The following STK32B variants were observed in gnomAD, a reference collection of about 807,000 sequenced individuals.
The protein encoded by STK32B is serine/threonine kinase 32B, also known as serine/threonine-protein kinase 32B.
In STK32B, 43 loss-of-function variants were observed where a neutral mutation model predicts 52.6. That is an observed-to-expected ratio of 0.82 (90% CI 0.64 to 1.05). The LOEUF is 1.05. Among genes scored for constraint, STK32B ranks in the 50% least tolerant of loss-of-function variants. The pLI, the probability that STK32B is intolerant of heterozygous loss-of-function variation, is 0.00. For missense variants in STK32B, 621 were observed against 534.6 expected, an observed-to-expected ratio of 1.16 and a Z score of -1.59; for synonymous variants, 238 against 204.3, an observed-to-expected ratio of 1.17 and a Z score of -1.41.
intron 1 of STK32B, among the ~76,000 whole-genome samples, chr4:5,108,840 CA>C (rs1445958744): frequency 1.3e-5 from 2 of 152,144 alleles, no homozygotes; most frequent in Non-Finnish European, 2.9e-5. Flanking sequence ...AAGTAGAAAT[CA>C]TGAGCAAAAA....
chr4:5,068,700 C>G (rs762206150), intron 1 of STK32B, among the ~76,000 whole-genome samples: 3 of 152,024 alleles, frequency 2.0e-5, no homozygotes, highest in Non-Finnish European at 2.9e-5. Context: ...TTGTTTAATA[C>G]TTTTCTCTAT....
intron 4 of STK32B, among the ~76,000 whole-genome samples, chr4:5,343,681 TA>T (rs1733254071): frequency 6.6e-6 from 1 of 152,172 alleles, no homozygotes; most frequent in African/African-American, 2.4e-5. Context: ...ACTTCATGTC[TA>T]AAACACCAAA....
At chr4:5,286,755 G>A (rs931848601) in intron 3 of STK32B, among the ~76,000 whole-genome samples, 1 of 148,324 alleles carries the variant, frequency 6.7e-6, no homozygotes, top group African/African-American at 2.5e-5. Context: ...ATTTTGCTAT[G>A]AACATTTTTG....
At position 5,466,876 on chromosome 4, in the gene STK32B, G is replaced by T. The variant is rs372096505; in HGVS notation, c.1041+42G>T. 25 of 1,592,836 alleles carry T rather than the reference G, an allele frequency of 1.6e-5. No individual in the cohort carries two copies. The South Asian group carries it at 2.6e-4, about 17-fold the overall frequency. ...AGCCGTTCCGGGAGAGAAATCCTGT[G>T]CTCATAGGGAAATGACTGAGCCAGG... On this transcript the variant is annotated intron_variant, in intron 10 of 11. Transcript: ENST00000282908.
At chr4:5,090,864 A>AT (rs1392380868) in intron 1 of STK32B, among the ~76,000 whole-genome samples, 2 of 152,168 alleles carry the variant, frequency 1.3e-5, no homozygotes, top group Non-Finnish European at 2.9e-5. Context: ...GTTCTGCTCT[A>AT]TTGGTCTATA....
At chr4:5,163,008 C>G (rs1428250031) in intron 2 of STK32B, among the ~76,000 whole-genome samples, 1 of 152,188 alleles carries the variant, frequency 6.6e-6, no homozygotes, top group Non-Finnish European at 1.5e-5. Flanking sequence ...CATGGAATCA[C>G]TGAGGACCAC....
chr4:5,164,133 G>C (rs766491826), intron 2 of STK32B, among the ~76,000 whole-genome samples: 7 of 152,204 alleles, frequency 4.6e-5, no homozygotes, highest in Non-Finnish European at 7.3e-5. Context: ...CCTAAACCAG[G>C]TAGCTTAAAA....
chr4:5,415,805 C>T (rs1355819826), intron 5 of STK32B, among the ~76,000 whole-genome samples: 1 of 152,086 alleles, frequency 6.6e-6, no homozygotes, highest in Non-Finnish European at 1.5e-5. Context: ...CCACTGTAGC[C>T]GATCACATCA....
At chr4:5,068,681 C>T (rs1035117879) in intron 1 of STK32B, among the ~76,000 whole-genome samples, 2 of 152,080 alleles carry the variant, frequency 1.3e-5, no homozygotes, top group African/African-American at 4.8e-5. Context: ...CTGTGTACTA[C>T]CTGTACTATT....
intron 5 of STK32B, among the ~76,000 whole-genome samples, chr4:5,404,360 G>A (rs948700490): frequency 3.4e-4 from 51 of 152,010 alleles, no homozygotes; most frequent in Non-Finnish European, 5.4e-4. Context: ...TGTGCGTGTC[G>A]GCGTCCAAAT....
At chr4:5,433,697 G>A (rs1318721655) in intron 6 of STK32B, among the ~76,000 whole-genome samples, 1 of 152,202 alleles carries the variant, frequency 6.6e-6, no homozygotes, top group African/African-American at 2.4e-5. Flanking sequence ...AAGGCTGTCA[G>A]CTCGCAGGCT....
chr4:5,328,725 T>C (rs910468092), intron 3 of STK32B, among the ~76,000 whole-genome samples: 5 of 152,210 alleles, frequency 3.3e-5, no homozygotes, highest in African/African-American at 9.6e-5. Flanking sequence ...GCACATGCTA[T>C]TGGAAAATTG....
intron 3 of STK32B, among the ~76,000 whole-genome samples, chr4:5,304,423 GTT>G (rs200953192): frequency 0.1 from 13,987 of 137,342 alleles, 1,085 homozygotes; most frequent in African/African-American, 0.21. Context: ...GTATTTTATG[GTT>G]TTTTTTTTTT....
At chr4:5,202,198 A>T (rs1044468672) in intron 3 of STK32B, among the ~76,000 whole-genome samples, 4 of 152,262 alleles carry the variant, frequency 2.6e-5, no homozygotes, top group Admixed American at 6.5e-5. Context: ...GGCAACAGGC[A>T]TGCAAGTCTG....
At chr4:5,459,889 CT>C (rs1179469343) in intron 8 of STK32B, among the ~76,000 whole-genome samples, 1 of 152,200 alleles carries the variant, frequency 6.6e-6, no homozygotes, top group Admixed American at 6.5e-5. Context: ...ACTGGATGAC[CT>C]TGCAGAAGCA....
intron 1 of STK32B, among the ~76,000 whole-genome samples, chr4:5,137,593 C>T (rs1400281839): frequency 6.6e-6 from 1 of 152,038 alleles, no homozygotes; most frequent in East Asian, 1.9e-4. Flanking sequence ...GAATGTAGGC[C>T]CCATTTTCCC....
chr4:5,169,327 G>A (rs1414396293), intron 3 of STK32B, among the ~76,000 whole-genome samples: 1 of 152,206 alleles, frequency 6.6e-6, no homozygotes, highest in East Asian at 1.9e-4. Context: ...AAGCTGGATT[G>A]TGTTGAAGGG....
intron 3 of STK32B, among the ~76,000 whole-genome samples, chr4:5,328,153 G>A (rs1731999030): frequency 6.6e-6 from 1 of 152,214 alleles, no homozygotes; most frequent in Admixed American, 6.5e-5. Context: ...TGTCTTAAGG[G>A]AATGTTGTAG....
At chr4:5,252,245 A>G (rs1324017927) in intron 3 of STK32B, among the ~76,000 whole-genome samples, 1 of 152,232 alleles carries the variant, frequency 6.6e-6, no homozygotes, top group African/African-American at 2.4e-5. Context: ...ATTATTGGCC[A>G]TAAAAGCATT....
Sources: allele counts gnomAD v4.1 joint callset (sites outside exome capture counted in the v4.1 genomes callset), GRCh38; gene constraint gnomAD v4.1.1; transcripts MANE v1.5; gene names NCBI Gene and HGNC (gene_info 2026-07-23, HGNC 2026-07-21).